PLS3: variants seen among roughly 807,000 people sequenced by gnomAD.
PLS3 encodes plastin 3.
Under a neutral mutation model 46.5 loss-of-function variants are expected in PLS3, and 11 were observed. That is an observed-to-expected ratio of 0.24 (90% confidence interval 0.15 to 0.39). The LOEUF (loss-of-function observed/expected upper bound fraction) is 0.39. Ranked by LOEUF, PLS3 falls within the 10% of genes least tolerant of loss-of-function variation. The probability of loss-of-function intolerance (pLI) is 1.00; values close to 1 mark genes in which losing one functional copy is unlikely to be tolerated. For missense variants in PLS3, 308 were observed against 461.8 expected (o/e 0.67, Z 3.05); for synonymous variants, 167 against 162.2 (o/e 1.03, Z -0.22).
intron 1 of PLS3, among the ~76,000 whole-genome samples, chrX:115,585,700 T>C (rs1193939510): frequency 9.0e-6 from 1 of 111,360 alleles, no homozygotes; most frequent in Non-Finnish European, 1.9e-5. Context: ...TAAAAACTTA[T>C]TTTTATGGAA....
intron 11 of PLS3, among the ~76,000 whole-genome samples, chrX:115,645,309 A>G (rs1339575195): frequency 9.0e-6 from 1 of 111,419 alleles, no homozygotes; most frequent in African/African-American, 3.3e-5. Flanking sequence ...TAGAATATAT[A>G]AATGTCTTTA....
At chrX:115,645,252 C>A (rs1168330478) in intron 11 of PLS3, among the ~76,000 whole-genome samples, 153 bp downstream of exon 11, 1 of 111,980 alleles carries the variant, frequency 8.9e-6, no homozygotes, top group Non-Finnish European at 1.9e-5. Flanking sequence ...TTTCCAAATA[C>A]ACAAAAGCTT....
Position 115,602,861 on chromosome X carries a change from AT to A in PLS3, c.-8-7379del, listed in dbSNP as rs1345850430. ...GTTTTTATCTTTTGGCTGCCTTTCA[AT>A]TTAAAAAAAAAAAAAATCAAGTTTA... On this transcript the variant is annotated intron_variant, in intron 1 of 15. Transcript: ENST00000355899. Among the ~76,000 whole-genome samples, 7 of 12,961 alleles carry A rather than the reference AT, an allele frequency of 5.4e-4. No individual in the cohort carries two copies. The East Asian group carries it at 0.071, about 132-fold the overall frequency. 11.3% of individuals were successfully genotyped at this position (12,961 alleles called of 115,157 possible). A position where few individuals can be genotyped will look rare whatever the true frequency, so the allele number is the denominator to read the frequency against.
chrX:115,622,047 A>G (rs1232995161), intron 2 of PLS3, 199 bp from the exon 3 acceptor site: 4 of 372,993 alleles, frequency 1.1e-5, no homozygotes, highest in Non-Finnish European at 1.8e-5. Context: ...ACATTGCTTA[A>G]ATCACAGGAT....
intron 3 of PLS3, among the ~76,000 whole-genome samples, chrX:115,628,222 C>T (rs1339046243): frequency 2.7e-5 from 3 of 112,126 alleles, no homozygotes; most frequent in Non-Finnish European, 5.6e-5. Context: ...TTCTATGAAC[C>T]GCAGACATAG....
chrX:115,618,806 G>T (rs782578866), intron 2 of PLS3, among the ~76,000 whole-genome samples: 1 of 110,948 alleles, frequency 9.0e-6, no homozygotes, highest in South Asian at 3.9e-4. Flanking sequence ...CAGGAGAATC[G>T]CTTGAACCCA....
At chrX:115,610,554 C>G (rs1246461994) in intron 2 of PLS3, among the ~76,000 whole-genome samples, 5 of 103,847 alleles carry the variant, frequency 4.8e-5, no homozygotes, top group Non-Finnish European at 9.8e-5. Flanking sequence ...TTAATATGGT[C>G]AAATTTTTTA....
chrX:115,605,713 C>T (rs7057422), intron 1 of PLS3, among the ~76,000 whole-genome samples: 4,270 of 111,137 alleles, frequency 0.038, 197 homozygotes, highest in African/African-American at 0.13. Context: ...ATCTGCCCAC[C>T]TCCACCTCCC....
intron 10 of PLS3, among the ~76,000 whole-genome samples, chrX:115,644,231 T>A (rs1156733299): frequency 9.0e-6 from 1 of 110,505 alleles, no homozygotes; most frequent in Non-Finnish European, 1.9e-5. Flanking sequence ...ATATACTAAT[T>A]TTTTTTTAAG....
At chrX:115,597,788 C>CAATCT (rs1556634053) in intron 1 of PLS3, among the ~76,000 whole-genome samples, 2 of 111,526 alleles carry the variant, frequency 1.8e-5, no homozygotes, top group African/African-American at 6.5e-5. Context: ...TGATACTATA[C>CAATCT]AATCTAATCA....
intron 1 of PLS3, among the ~76,000 whole-genome samples, chrX:115,592,782 A>C (rs1429500124): frequency 9.0e-6 from 1 of 111,567 alleles, no homozygotes; most frequent in East Asian, 2.8e-4. Flanking sequence ...CTGCGATATG[A>C]TGGAGTTGCT....
chrX:115,567,287 G>A (rs975342352), intron 1 of PLS3, among the ~76,000 whole-genome samples: 1 of 111,453 alleles, frequency 9.0e-6, no homozygotes, highest in Non-Finnish European at 1.9e-5. Flanking sequence ...ATACATTTAA[G>A]TAGCATGCCA....
At chrX:115,621,286 A>T (rs1205936040) in intron 2 of PLS3, among the ~76,000 whole-genome samples, 1 of 112,525 alleles carries the variant, frequency 8.9e-6, no homozygotes, top group Non-Finnish European at 1.9e-5. Flanking sequence ...AAGTGCTGGG[A>T]TTACAGGCGT....
rs1380625283 is a variant in PLS3, at chrX:115,649,676, A to T, written c.*115A>T. 3 of 659,061 alleles carry T rather than the reference A, an allele frequency of 4.6e-6. No individual in the cohort carries two copies. Among genetic ancestry groups the T allele is most frequent in the Non-Finnish European group, 6.8e-6 (3 of 444,103 alleles). The allele number at this position is 659,061 out of a possible 1,213,427, so 54.3% of individuals were successfully genotyped here. ...CTCTTGGCCATTCAAAGGACTTTTC[A>T]TTTTGATTAACAGGACTAGCTTATC... On this transcript the variant is annotated 3_prime_UTR_variant, in exon 16 of 16. Coordinates refer to ENST00000355899, the MANE Select transcript of PLS3 (RefSeq NM_005032.7).
intron 3 of PLS3, among the ~76,000 whole-genome samples, chrX:115,624,907 A>G (rs913747621): frequency 8.9e-6 from 1 of 111,889 alleles, no homozygotes; most frequent in Non-Finnish European, 1.9e-5. Context: ...AAAGGAAGTG[A>G]CTTTTCCTTT....
intron 1 of PLS3, among the ~76,000 whole-genome samples, chrX:115,581,353 T>G (rs1269654758): frequency 8.9e-6 from 1 of 112,094 alleles, no homozygotes; most frequent in Non-Finnish European, 1.9e-5. Flanking sequence ...TATTCATGAA[T>G]AGTAAGTCAA....
In PLS3 at chrX:115,636,881, T is replaced by C. The variant is rs1434630697; in HGVS notation, c.794T>C (p.Met265Thr). 12 of 1,204,014 alleles carry C rather than the reference T, an allele frequency of 1.0e-5. No individual in the cohort carries two copies. Among genetic ancestry groups the C allele is most frequent in the African/African-American group, 3.5e-5 (2 of 56,683 alleles). The change falls in exon 8 of 16, where the codon ATG (methionine) becomes ACG (threonine). Residue 265 changes from methionine to threonine, a missense_variant. By Grantham distance (81) the Met-to-Thr change is moderately conservative. Around this residue, in one of 2 missense-constraint regions of PLS3, gnomAD observed 271 missense variants for 435.7 expected, o/e 0.62. Transcript: ENST00000355899. ...GATGGTGAGACTTTGGAGGAACTTATGAAATTGTCTCCAGAAGAGCTTCTG... is the reference window on the plus strand; with the variant it reads ...GATGGTGAGACTTTGGAGGAACTTACGAAATTGTCTCCAGAAGAGCTTCTG... ...LRDGETLEEL[M>T]KLSPEELLLR... is the part of the protein sequence containing the mutation.
chrX:115,642,848 A>G (rs1264508401), intron 9 of PLS3, among the ~76,000 whole-genome samples: 8 of 111,999 alleles, frequency 7.1e-5, no homozygotes, highest in Admixed American at 1.9e-4. Context: ...TTCATTGTAG[A>G]TAAAGTACAT....
Position 115,647,960 on chromosome X carries a change from A to G in PLS3, c.1703A>G (p.Asn568Ser). 2 of 1,208,872 alleles carry G rather than the reference A, an allele frequency of 1.7e-6. No homozygotes were observed. ...LIDAIQPGCINYDLVKSGNLT... is the reference protein window; with the variant it reads ...LIDAIQPGCISYDLVKSGNLT... Reference sequence around the variant, plus strand: ...GATGCCATCCAGCCAGGCTGTATAAACTATGACCTTGTGAAGAGTGGCAAT... The same window carrying G: ...GATGCCATCCAGCCAGGCTGTATAAGCTATGACCTTGTGAAGAGTGGCAAT... Residue 568 changes from asparagine to serine, a missense_variant, in exon 15 of 16, where the codon AAC becomes AGC. By Grantham distance (46) the Asn-to-Ser change is conservative. This residue lies in a region of PLS3 where 271 missense variants were observed against 435.7 expected (regional missense o/e 0.62). Transcript: ENST00000355899.
Sources: gnomAD v4.1 joint callset for allele counts (sites outside exome capture counted in the v4.1 genomes callset) on GRCh38, gnomAD v4.1.1 for gene constraint, gnomAD v4.1.1 regional missense constraint, MANE v1.5 for transcripts, NCBI Gene and HGNC (gene_info 2026-07-23, HGNC 2026-07-21) for gene names.